GRM8: variants seen among roughly 807,000 people sequenced by gnomAD.
GRM8 encodes the protein glutamate metabotropic receptor 8.
A neutral mutation model predicts 87.2 loss-of-function variants in GRM8; 47 were observed. The ratio of observed to expected loss-of-function variants is 0.54; its 90% CI spans 0.43 to 0.69. The LOEUF (loss-of-function observed/expected upper bound fraction) is 0.69, where lower values mean the gene tolerates loss of function less well. Among genes scored for constraint, GRM8 ranks in the 30% least tolerant of loss-of-function variants. The pLI is 0.00. For synonymous variants in GRM8, 396 were observed against 404.5 expected (o/e 0.98, Z 0.25); for missense variants, 1,019 against 1,139.2 (o/e 0.89, Z 1.52).
At chr7:126,722,769 G>A (rs1327498007) in intron 7 of GRM8, among the ~76,000 whole-genome samples, 1 of 151,472 alleles carries the variant, frequency 6.6e-6, no homozygotes, top group African/African-American at 2.4e-5. Context: ...TCACAGCACT[G>A]TCACATTATA....
intron 7 of GRM8, among the ~76,000 whole-genome samples, chr7:126,632,358 C>T (rs1318853650): frequency 1.3e-5 from 2 of 151,982 alleles, no homozygotes; most frequent in East Asian, 1.9e-4. Flanking sequence ...GTCAGAATGG[C>T]GACTATTAAA....
rs521 is a variant in GRM8, at chr7:126,532,764, GATATATATATAT to G, written c.2430+176_2430+187del. ...AAGCAATGTGACCTTGACGGATGGAGATATATATATATATATATATATATATATATATATATA... is the reference window on the plus strand; with the variant it reads ...AAGCAATGTGACCTTGACGGATGGAGATATATATATATATATATATATATA... On this transcript the variant is annotated intron_variant, in intron 9 of 10. Transcript: ENST00000339582. 4.3e-3 allele frequency among the ~76,000 whole-genome samples: 476 copies of G among 110,892 alleles called. 4 individuals carry two copies. The highest frequency in any genetic ancestry group is 0.011 in the African/African-American group (321 of 30,188). The allele number at this position is 110,892 out of a possible 152,430, so 72.7% of individuals were successfully genotyped here.
At chr7:126,540,579 A>G (rs1298969842) in intron 8 of GRM8, among the ~76,000 whole-genome samples, 2 of 152,234 alleles carry the variant, frequency 1.3e-5, no homozygotes, top group Non-Finnish European at 2.9e-5. Context: ...AAAATGTGGT[A>G]TATCTATATT....
intron 7 of GRM8, among the ~76,000 whole-genome samples, chr7:126,686,234 A>G (rs1808169507): frequency 6.6e-6 from 1 of 152,054 alleles, no homozygotes; most frequent in African/African-American, 2.4e-5. Context: ...TCTATTGCTC[A>G]GTAAAGCTCC....
At chr7:127,214,811 C>CT (rs201766297) in intron 2 of GRM8, among the ~76,000 whole-genome samples, 3 of 151,878 alleles carry the variant, frequency 2.0e-5, no homozygotes, top group African/African-American at 2.4e-5. Flanking sequence ...ATGTTAAAAC[C>CT]TTTTTTTTCC....
chr7:127,211,466 G>C (rs1796206258), intron 2 of GRM8, among the ~76,000 whole-genome samples: 2 of 152,084 alleles, frequency 1.3e-5, no homozygotes, highest in South Asian at 4.2e-4. Flanking sequence ...ATGGAGGGTG[G>C]GTCTGCCTCT....
chr7:127,138,140 G>C (rs747405671), intron 2 of GRM8, among the ~76,000 whole-genome samples: 1 of 152,178 alleles, frequency 6.6e-6, no homozygotes, highest in Non-Finnish European at 1.5e-5. Flanking sequence ...GCACAAGAGA[G>C]GTTCCACAGC....
At chr7:126,903,798 T>A (rs1487085873) in intron 5 of GRM8, among the ~76,000 whole-genome samples, 174 bp downstream of exon 5, 3 of 147,688 alleles carry the variant, frequency 2.0e-5, no homozygotes, top group East Asian at 3.9e-4. Flanking sequence ...TATATATATA[T>A]ATATGCATAT....
chr7:126,761,534 C>T (rs1817589932), intron 7 of GRM8, among the ~76,000 whole-genome samples: 1 of 152,156 alleles, frequency 6.6e-6, no homozygotes, highest in Non-Finnish European at 1.5e-5. Context: ...TGCCTTTAAT[C>T]TCAGTTGCTT....
chr7:126,475,275 A>G (rs970958134), intron 9 of GRM8, among the ~76,000 whole-genome samples: 2 of 152,212 alleles, frequency 1.3e-5, no homozygotes, highest in African/African-American at 4.8e-5. Context: ...CAAATTCAGT[A>G]TAGTTGTAGG....
chr7:127,234,629 G>A (rs1414953775), intron 2 of GRM8, among the ~76,000 whole-genome samples: 1 of 152,206 alleles, frequency 6.6e-6, no homozygotes, highest in Non-Finnish European at 1.5e-5. Context: ...CAAAAGAGCA[G>A]CATCAGCATC....
At chr7:127,166,220 A>G (rs181935450) in intron 2 of GRM8, among the ~76,000 whole-genome samples, 2 of 152,264 alleles carry the variant, frequency 1.3e-5, no homozygotes, top group African/African-American at 4.8e-5. Context: ...AGCAATAAAT[A>G]TAAATAAATA....
At chr7:127,208,009 T>G (rs1443769081) in intron 2 of GRM8, among the ~76,000 whole-genome samples, 1 of 152,122 alleles carries the variant, frequency 6.6e-6, no homozygotes, top group Non-Finnish European at 1.5e-5. Flanking sequence ...CACCACCAGA[T>G]GCTGACCCCC....
intron 3 of GRM8, among the ~76,000 whole-genome samples, chr7:126,911,638 C>G (rs956471897): frequency 2.0e-5 from 3 of 152,180 alleles, no homozygotes. Flanking sequence ...ACAAAATTTG[C>G]TCTTGGCATC....
intron 8 of GRM8, among the ~76,000 whole-genome samples, chr7:126,592,425 C>G (rs1354648319): frequency 2.0e-5 from 3 of 151,952 alleles, no homozygotes; most frequent in Non-Finnish European, 4.4e-5. Context: ...TGAAAAAGAT[C>G]TTCAGCATTA....
chr7:126,914,008 C>T (rs1468077165), intron 3 of GRM8, among the ~76,000 whole-genome samples: 3 of 152,090 alleles, frequency 2.0e-5, no homozygotes, highest in Admixed American at 1.3e-4. Context: ...CATGTGGAAT[C>T]TTAAAGGGAC....
At chr7:127,201,036 TCTTG>T (rs529183301) in intron 2 of GRM8, among the ~76,000 whole-genome samples, 30 of 152,124 alleles carry the variant, frequency 2.0e-4, no homozygotes, top group African/African-American at 7.0e-4. Flanking sequence ...CTGTCATTTT[TCTTG>T]CTTATGTTGA....
At chr7:126,640,936 A>T in intron 7 of GRM8, among the ~76,000 whole-genome samples, 1 of 152,164 alleles carries the variant, frequency 6.6e-6, no homozygotes, top group South Asian at 2.1e-4. Context: ...GTCATTAAAA[A>T]GTGAATTACC....
intron 8 of GRM8, among the ~76,000 whole-genome samples, chr7:126,584,201 T>C (rs1310729331): frequency 6.6e-6 from 1 of 151,860 alleles, no homozygotes; most frequent in African/African-American, 2.4e-5. Flanking sequence ...GCACACTTAA[T>C]AGACTAGAGT....
Sources: allele counts gnomAD v4.1 joint callset (sites outside exome capture counted in the v4.1 genomes callset), GRCh38; gene constraint gnomAD v4.1.1; transcripts MANE v1.5; gene names NCBI Gene and HGNC (gene_info 2026-07-23, HGNC 2026-07-21).